The following USP44 variants were observed in gnomAD, a reference collection of about 807,000 sequenced individuals.
USP44 encodes the protein ubiquitin carboxyl-terminal hydrolase 44.
Under a neutral mutation model 69.0 loss-of-function variants are expected in USP44, and 61 were observed. The observed-to-expected ratio is 0.88, with a 90% CI of 0.72 to 1.09. The LOEUF is 1.09. USP44 is among the 50% of genes least tolerant of loss of function. The pLI is 0.00. For synonymous variants in USP44, 297 were observed against 295.4 expected (o/e 1.01, Z -0.06); for missense variants, 753 against 849.9 (o/e 0.89, Z 1.42).
Position 95,517,358 on chromosome 12 carries a change from T to C in USP44, c.*796A>G, listed in dbSNP as rs1175175242. On this transcript the variant is annotated 3_prime_UTR_variant, in exon 6 of 6. Transcript: ENST00000258499. ...CATCAGACATTATAAAATGAACTCA[T>C]ACCCAAGGTAAACTATTTGAATAAC... is the stretch of plus-strand genomic sequence containing the variant. 6.6e-6 allele frequency: 1 copy of C among 152,172 alleles called. No individual in the cohort carries two copies. Among genetic ancestry groups the C allele is most frequent in the East Asian group, 1.9e-4 (1 of 5,204 alleles). 9.4% of individuals were successfully genotyped at this position (152,172 alleles called of 1,614,324 possible). A position where few individuals can be genotyped will look rare whatever the true frequency, so the allele number is the denominator to read the frequency against.
rs776527205 is a variant in USP44 at position 95,533,581 on chromosome 12, CT to C, written c.675del (p.Ile225MetfsTer3). 1 of 1,613,558 alleles carries C rather than the reference CT, an allele frequency of 6.2e-7. No individual in the cohort carries two copies. The highest frequency in any genetic ancestry group is 1.1e-5 in the South Asian group (1 of 90,970). ...RLQGLAQSTI[I>X]EIVSVQVPAQ... ...GCTGGCACCTGAACAGAAACTATTT[CT>C]ATTATGGTCGACTGAGCGAGCCCTT... On this transcript the variant is annotated frameshift_variant, in exon 2 of 6. Coordinates refer to ENST00000258499, the MANE Select transcript of USP44 (RefSeq NM_032147.5). LOFTEE classifies it high-confidence loss of function.
chr12:95,550,756 G>A (rs998737094), intron 1 of USP44, among the ~76,000 whole-genome samples: 1 of 152,056 alleles, frequency 6.6e-6, no homozygotes, highest in African/African-American at 2.4e-5. Flanking sequence ...GGACTAAAAT[G>A]ATGTGAATAA....
rs1228500595 is a variant in USP44 at position 95,533,413 on chromosome 12, A to C, written c.844T>G (p.Cys282Gly). 1.9e-6 allele frequency: 3 copies of C among 1,613,838 alleles called. No homozygotes were observed. The highest frequency in any genetic ancestry group is 1.7e-5 in the Admixed American group (1 of 59,998). ...VTGLRNLGNT[C>G]YMNSVLQVLS... Reference sequence around the variant, plus strand: ...ACCTGAAGAACAGAATTCATATAGCAAGTATTTCCCAAATTTCTCAATCCT... The same window carrying C: ...ACCTGAAGAACAGAATTCATATAGCCAGTATTTCCCAAATTTCTCAATCCT... The change falls in exon 2 of 6, where the codon TGC becomes GGC. Residue 282 changes from cysteine (C) to glycine (G), a missense_variant. By Grantham distance (159) the Cys-to-Gly change is radical. Transcript: ENST00000258499.
chr12:95,541,254 C>T (rs143383875), intron 1 of USP44, among the ~76,000 whole-genome samples: 6,580 of 152,086 alleles, frequency 0.043, 196 homozygotes, highest in South Asian at 0.086. Flanking sequence ...CCAGCCTGGG[C>T]GACAGAGTGA....
intron 2 of USP44, 57 bp from the exon 3 acceptor site, chr12:95,529,059 CTT>C: frequency 6.9e-7 from 1 of 1,457,650 alleles, no homozygotes; most frequent in South Asian, 1.5e-5. Context: ...AACATTAACT[CTT>C]TTCACTAGAG....
At chr12:95,528,689 G>A (rs899425289) in intron 3 of USP44, 118 bp downstream of exon 3, 2 of 1,029,138 alleles carry the variant, frequency 1.9e-6, no homozygotes, top group Non-Finnish European at 2.7e-6. Context: ...TGTTTCTTTT[G>A]ATGAACTGAA....
intron 1 of USP44, among the ~76,000 whole-genome samples, chr12:95,542,348 A>G (rs2077416426): frequency 6.6e-6 from 1 of 152,188 alleles, no homozygotes; most frequent in Non-Finnish European, 1.5e-5. Context: ...TTTAACCTAA[A>G]AATTCTCTCA....
intron 5 of USP44, among the ~76,000 whole-genome samples, chr12:95,519,143 C>T (rs976403323): frequency 2.0e-5 from 3 of 152,104 alleles, no homozygotes; most frequent in Non-Finnish European, 4.4e-5. Flanking sequence ...TATGGTGATG[C>T]CAAACCACCA....
At chr12:95,537,390 C>T (rs2077241288) in intron 1 of USP44, among the ~76,000 whole-genome samples, 1 of 152,118 alleles carries the variant, frequency 6.6e-6, no homozygotes, top group South Asian at 2.1e-4. Flanking sequence ...GCTATCTTAG[C>T]TCACTGCAAC....
At position 95,518,296 on chromosome 12, in the gene USP44, C is replaced by A; in HGVS notation, c.1997G>T (p.Cys666Phe). The change falls in exon 6 of 6, where the codon TGC becomes TTC. Residue 666 changes from cysteine (C) to phenylalanine (F), a missense_variant. Cys to Phe is a radical substitution (Grantham distance 205). Coordinates refer to ENST00000258499, the MANE Select transcript of USP44 (RefSeq NM_032147.5). ...AAACAAGATATAAGCTTGAGCCTTG[C>A]ATACTTCATCCATAGTGCACATGCT... ...KLSMCTMDEV[C>F]KAQAYILFYT... The A allele has an allele frequency of 6.2e-7, 1 of 1,614,170 alleles. No individual in the cohort carries two copies. The highest frequency in any genetic ancestry group is 2.2e-5 in the East Asian group (1 of 44,872).
At chr12:95,537,421 C>T (rs548737966) in intron 1 of USP44, among the ~76,000 whole-genome samples, 4 of 152,070 alleles carry the variant, frequency 2.6e-5, no homozygotes, top group East Asian at 1.9e-4. Flanking sequence ...TGGGTTCAAG[C>T]GATTCTCCTG....
At position 95,533,550 on chromosome 12, in the gene USP44, G is replaced by C; in HGVS notation, c.707C>G (p.Thr236Arg). 6.2e-7 allele frequency: 1 copy of C among 1,613,542 alleles called. No individual in the cohort carries two copies. Residue 236 changes from threonine (T) to arginine (R), a missense_variant, in exon 2 of 6, where the codon ACG becomes AGG. By Grantham distance (71) the Thr-to-Arg change is moderately conservative (BLOSUM62 -1). Coordinates refer to ENST00000258499, the MANE Select transcript of USP44 (RefSeq NM_032147.5). ...EIVSVQVPAQ[T>R]PASPAKDKVL... The stretch of plus-strand genomic sequence containing the variant: ...TTTATCTTTTGCTGGTGATGCTGGC[G>C]TTTGTGCTGGCACCTGAACAGAAAC...
At chr12:95,518,396 A>G in intron 5 of USP44, 43 bp from the exon 6 acceptor site, 1 of 1,594,010 alleles carries the variant, frequency 6.3e-7, no homozygotes, top group Non-Finnish European at 8.6e-7. Flanking sequence ...GGACTTTAGA[A>G]AATTCTAGTA....
rs2076930499 is a variant in USP44 at position 95,528,790 on chromosome 12, A to C, written c.1624+17T>G. The C allele has an allele frequency of 1.9e-6, 3 of 1,604,468 alleles. No homozygotes were observed. The Admixed American group carries it at 5.1e-5, about 27-fold the overall frequency. On this transcript the variant is annotated intron_variant, in intron 3 of 5. Transcript: ENST00000258499. ...TCATTCCTAGGAAAGCACCAAGAACACAACGTCTTTACTCACAGTTACACT... is the reference window on the plus strand; with the variant it reads ...TCATTCCTAGGAAAGCACCAAGAACCCAACGTCTTTACTCACAGTTACACT...
chr12:95,549,947 G>A (rs772782630), intron 1 of USP44, among the ~76,000 whole-genome samples: 2 of 152,170 alleles, frequency 1.3e-5, no homozygotes, highest in African/African-American at 4.8e-5. Flanking sequence ...GGGAGGCCAA[G>A]GCGGGTGGAT....
At position 95,516,716 on chromosome 12, in the gene USP44, C is replaced by T. The variant is rs1218775564; in HGVS notation, c.*1438G>A. Reference sequence around the variant, plus strand: ...GATTTGTCTATTCAGTGATAAAAGTCTCACTGCACCTCACTATCAGCTAAC... The same window carrying T: ...GATTTGTCTATTCAGTGATAAAAGTTTCACTGCACCTCACTATCAGCTAAC... On this transcript the variant is annotated 3_prime_UTR_variant, in exon 6 of 6. Coordinates refer to ENST00000258499, the MANE Select transcript of USP44 (RefSeq NM_032147.5). The T allele has an allele frequency of 6.6e-6, 1 of 152,160 alleles. No homozygotes were observed. Among genetic ancestry groups the T allele is most frequent in the African/African-American group, 2.4e-5 (1 of 41,424 alleles). 9.4% of individuals were successfully genotyped at this position (152,160 alleles called of 1,614,324 possible). A position where few individuals can be genotyped will look rare whatever the true frequency, so the allele number is the denominator to read the frequency against.
chr12:95,533,518 A>G lies in USP44; in HGVS notation c.739T>C (p.Ser247Pro), dbSNP rs755777425. The change falls in exon 2 of 6, where the codon TCT becomes CCT. Residue 247 changes from serine (S) to proline (P), a missense_variant. Ser to Pro is a moderately conservative substitution (Grantham distance 74). Transcript: ENST00000258499. ...TGAGATATTTCATTTTCTGAGGTAG[A>G]GAGTACTTTATCTTTTGCTGGTGAT... ...PASPAKDKVL[S>P]TSENEISQKV... The G allele has an allele frequency of 6.2e-7, 1 of 1,614,036 alleles. No homozygotes were observed. The highest frequency in any genetic ancestry group is 8.5e-7 in the Non-Finnish European group (1 of 1,179,994).
At chr12:95,530,877 C>T (rs577895033) in intron 2 of USP44, among the ~76,000 whole-genome samples, 18 of 151,842 alleles carry the variant, frequency 1.2e-4, no homozygotes, top group South Asian at 2.1e-4. Context: ...TATAAACATA[C>T]GATGTGGCCA....
Position 95,534,138 on chromosome 12 carries a change from G to A in USP44, c.119C>T (p.Ala40Val). 1 of 1,614,188 alleles carries A rather than the reference G, an allele frequency of 6.2e-7. No individual in the cohort carries two copies. Reference protein sequence around the residue: ...VDCNTTESIWACLSCSHVACG... With the variant: ...VDCNTTESIWVCLSCSHVACG... ...GGCAACATGGGAGCAGCTAAGGCAAGCCCAAATGGACTCGGTCGTGTTGCA... is the reference window on the plus strand; with the variant it reads ...GGCAACATGGGAGCAGCTAAGGCAAACCCAAATGGACTCGGTCGTGTTGCA... The change falls in exon 2 of 6, where the codon GCT becomes GTT. Residue 40 changes from alanine to valine, a missense_variant. Physicochemically the swap from Ala to Val is moderately conservative, Grantham distance 64. Transcript: ENST00000258499.
Sources: gnomAD v4.1 joint callset for allele counts (sites outside exome capture counted in the v4.1 genomes callset) on GRCh38, gnomAD v4.1.1 for gene constraint, MANE v1.5 for transcripts, NCBI Gene and HGNC (gene_info 2026-07-23, HGNC 2026-07-21) for gene names.